TMOD2: variants seen among roughly 807,000 people sequenced by gnomAD.
TMOD2 encodes the protein tropomodulin 2.
A neutral mutation model predicts 39.9 loss-of-function variants in TMOD2; 22 were observed. The ratio of observed to expected loss-of-function variants is 0.55; its 90% CI spans 0.39 to 0.79. The LOEUF is 0.79. Ranked by LOEUF, TMOD2 falls within the 30% of genes least tolerant of loss-of-function variation. TMOD2 has a pLI of 0.00. For synonymous variants in TMOD2, 123 were observed against 146.1 expected, an observed-to-expected ratio of 0.84 and a Z score of 1.14; for missense variants, 386 against 413.3, an observed-to-expected ratio of 0.93 and a Z score of 0.57.
At chr15:51,788,095 T>C (rs1388732791) in intron 7 of TMOD2, among the ~76,000 whole-genome samples, 1 of 152,140 alleles carries the variant, frequency 6.6e-6, no homozygotes, top group Non-Finnish European at 1.5e-5. Flanking sequence ...GCAAGGAAGC[T>C]AAAAAGGTTA....
At chr15:51,785,623 G>A (rs2141629747) in intron 7 of TMOD2, among the ~76,000 whole-genome samples, 1 of 152,078 alleles carries the variant, frequency 6.6e-6, no homozygotes, top group Non-Finnish European at 1.5e-5. Context: ...TAAAAAAAAA[G>A]TGGTTCTCAT....
At chr15:51,775,106 G>T (rs2055877879) in intron 4 of TMOD2, among the ~76,000 whole-genome samples, 1 of 152,210 alleles carries the variant, frequency 6.6e-6, no homozygotes, top group South Asian at 2.1e-4. Context: ...CCCATGGGCA[G>T]ATGAGCTGGC....
chr15:51,784,951 C>G (rs1057052479), intron 7 of TMOD2: 2 of 152,186 alleles, frequency 1.3e-5, no homozygotes, highest in African/African-American at 2.4e-5. Context: ...AAATAACTTA[C>G]TAAGTGGATT....
chr15:51,779,451 G>A (rs2055914555), intron 5 of TMOD2, among the ~76,000 whole-genome samples: 1 of 151,668 alleles, frequency 6.6e-6, no homozygotes. Flanking sequence ...CACGATCTCA[G>A]CTCACTGCAA....
At chr15:51,790,807 T>A (rs941560816) in intron 7 of TMOD2, among the ~76,000 whole-genome samples, 9 of 152,164 alleles carry the variant, frequency 5.9e-5, no homozygotes, top group Non-Finnish European at 1.3e-4. Flanking sequence ...TTCAACAGCC[T>A]TTCATGCTAA....
intron 1 of TMOD2, among the ~76,000 whole-genome samples, chr15:51,759,437 T>A (rs2055764196): frequency 6.6e-6 from 1 of 152,064 alleles, no homozygotes; most frequent in African/African-American, 2.4e-5. Flanking sequence ...GCAGATGAGT[T>A]CCTCCAGAGA....
In TMOD2 at chr15:51,766,495, T is replaced by C. The variant is rs755264099; in HGVS notation, c.54T>C (p.Asp18=). The C allele has an allele frequency of 3.1e-6, 5 of 1,613,954 alleles. No homozygotes were observed. The highest frequency in any genetic ancestry group is 2.2e-5 in the South Asian group (2 of 91,080). ...ELEKYKNIDE[D]ELLGKLSEEE... ...AGAAATACAAGAACATTGATGAAGATGAGCTTCTTGGCAAACTCTCAGAAG... is the reference window on the plus strand; with the variant it reads ...AGAAATACAAGAACATTGATGAAGACGAGCTTCTTGGCAAACTCTCAGAAG... Residue 18 remains aspartate (D), a synonymous_variant, in exon 2 of 10, where the codon GAT becomes GAC. Coordinates refer to ENST00000249700, the MANE Select transcript of TMOD2 (RefSeq NM_014548.4).
chr15:51,801,235 TCTCACACACACACACACA>T (rs1162149494), intron 8 of TMOD2, among the ~76,000 whole-genome samples: 3 of 108,984 alleles, frequency 2.8e-5, no homozygotes, highest in South Asian at 2.9e-4. Flanking sequence ...TCTCTCTCTC[TCTCACACACACACACACA>T]CACACACACA....
At chr15:51,798,616 G>T (rs922119251) in intron 8 of TMOD2, among the ~76,000 whole-genome samples, 1 of 152,234 alleles carries the variant, frequency 6.6e-6, no homozygotes, top group Non-Finnish European at 1.5e-5. Context: ...AAGCAAGGAG[G>T]TGGTGGCAGA....
chr15:51,764,378 T>C (rs963858007), intron 1 of TMOD2, among the ~76,000 whole-genome samples: 8 of 152,054 alleles, frequency 5.3e-5, no homozygotes, highest in African/African-American at 1.9e-4. Context: ...GTGAAAGGGG[T>C]ATCGACACAG....
chr15:51,793,952 C>T lies in TMOD2; in HGVS notation c.733-4245C>T, dbSNP rs2141635924. Among the ~76,000 whole-genome samples the T allele has an allele frequency of 2.6e-5, 4 of 152,328 alleles. No homozygotes were observed. The Middle Eastern group carries it at 0.014, about 518-fold the overall frequency. On this transcript the variant is annotated intron_variant, in intron 7 of 9. Transcript: ENST00000249700. ...TCAAGGACCTAGCACAGAATAAATG[C>T]ACTTTAATTTACATGGTATGCGATA... is the stretch of plus-strand genomic sequence containing the variant.
intron 1 of TMOD2, among the ~76,000 whole-genome samples, chr15:51,760,892 T>C (rs942914301): frequency 4.6e-5 from 7 of 152,084 alleles, no homozygotes; most frequent in African/African-American, 7.2e-5. Flanking sequence ...ATGTGAGGAA[T>C]AGGAGGAGGA....
chr15:51,794,587 C>T (rs1328690827), intron 7 of TMOD2, among the ~76,000 whole-genome samples: 2 of 152,144 alleles, frequency 1.3e-5, no homozygotes, highest in Admixed American at 6.5e-5. Flanking sequence ...ATCCTAACTG[C>T]ACATTATTCA....
In TMOD2 at chr15:51,781,197, A is replaced by G. The variant is rs773866643; in HGVS notation, c.624+23A>G. 24 of 1,580,240 alleles carry G rather than the reference A, an allele frequency of 1.5e-5. No homozygotes were observed. In the Admixed American group the frequency reaches 3.5e-4, roughly 23 times the overall value. ...AAGGTATTTCATTGTGATTATCATC[A>G]GTCAGTTAATTTATCATGAGGTCAG... On this transcript the variant is annotated intron_variant, in intron 6 of 9. Transcript: ENST00000249700.
intron 7 of TMOD2, among the ~76,000 whole-genome samples, chr15:51,792,783 A>G (rs867580085): frequency 1.3e-5 from 2 of 152,212 alleles, no homozygotes; most frequent in South Asian, 2.1e-4. Context: ...CAAACACCGC[A>G]TGTTCTCACT....
intron 1 of TMOD2, among the ~76,000 whole-genome samples, chr15:51,753,867 ATTCTT>A (rs1370939085): frequency 2.0e-5 from 3 of 152,214 alleles, no homozygotes; most frequent in African/African-American, 7.2e-5. Context: ...TTATTGTACT[ATTCTT>A]TTAACTTTTC....
rs1408848233 is a variant in TMOD2 at position 51,794,700 on chromosome 15, T to C, written c.733-3497T>C. 2.6e-5 allele frequency among the ~76,000 whole-genome samples: 4 copies of C among 152,332 alleles called. No individual in the cohort carries two copies. In the East Asian group the frequency reaches 5.8e-4, roughly 22 times the overall value. On this transcript the variant is annotated intron_variant, in intron 7 of 9. Coordinates refer to ENST00000249700, the MANE Select transcript of TMOD2 (RefSeq NM_014548.4). ...TTTTAAAGCTCCCAGACCATTCTAA[T>C]GTGTGGTCAATGTAGAAAACCAGTA...
chr15:51,791,899 A>C (rs542216064), intron 7 of TMOD2, among the ~76,000 whole-genome samples: 1 of 152,328 alleles, frequency 6.6e-6, no homozygotes, highest in African/African-American at 2.4e-5. Flanking sequence ...GGACCACAAA[A>C]ATCCTAGAAG....
chr15:51,759,038 ACT>A (rs137946568), intron 1 of TMOD2, among the ~76,000 whole-genome samples: 3,103 of 152,272 alleles, frequency 0.02, 39 homozygotes, highest in Non-Finnish European at 0.031. Context: ...GAGTTGTTTA[ACT>A]CTGTGCTCAC....
Sources: gnomAD v4.1 joint callset for allele counts (sites outside exome capture counted in the v4.1 genomes callset) on GRCh38, gnomAD v4.1.1 for gene constraint, MANE v1.5 for transcripts, NCBI Gene and HGNC (gene_info 2026-07-23, HGNC 2026-07-21) for gene names.